The following COG6 variants were observed in gnomAD, a reference collection of about 807,000 sequenced individuals.
COG6 encodes the protein component of oligomeric golgi complex 6.
In COG6, 74 loss-of-function variants were observed where a neutral mutation model predicts 88.8. The ratio of observed to expected loss-of-function variants is 0.83; its 90% confidence interval spans 0.69 to 1.01. The LOEUF (loss-of-function observed/expected upper bound fraction) is 1.01. COG6 is among the 50% of genes least tolerant of loss of function. COG6 has a pLI of 0.00. For missense variants in COG6, 800 were observed against 797.9 expected, an observed-to-expected ratio of 1.00 and a Z score of -0.03; for synonymous variants, 286 against 278.7, an observed-to-expected ratio of 1.03 and a Z score of -0.26.
intron 18 of COG6, among the ~76,000 whole-genome samples, chr13:39,775,894 C>G (rs1881449599): frequency 6.6e-6 from 1 of 152,100 alleles, no homozygotes; most frequent in African/African-American, 2.4e-5. Flanking sequence ...CTCAGCCTCC[C>G]AAGTAGCTGG....
At chr13:39,677,949 A>G (rs1876072685) in intron 5 of COG6, 1 of 342,102 alleles carries the variant, frequency 2.9e-6, no homozygotes, top group Non-Finnish European at 5.5e-6. Flanking sequence ...CTCTATTGTG[A>G]AATGTGAGGA....
Position 39,752,036 on chromosome 13 carries a change from C to T in COG6, c.*943C>T, listed in dbSNP as rs1880665014. On this transcript the variant is annotated 3_prime_UTR_variant, in exon 19 of 19. Coordinates refer to ENST00000455146, the MANE Select transcript of COG6 (RefSeq NM_020751.3). ...TGCCAATTGGCAGTGTGTCTTATCT[C>T]CATGTTGTAACTGGACTCTGACTTT... is the stretch of plus-strand genomic sequence containing the variant. 7.8e-7 allele frequency: 1 copy of T among 1,284,304 alleles called. No homozygotes were observed. The allele number at this position is 1,284,304 out of a possible 1,614,324, so 79.6% of individuals were successfully genotyped here.
downstream of COG6, among the ~76,000 whole-genome samples, chr13:39,757,238 A>G (rs1160440488): frequency 6.6e-6 from 1 of 152,238 alleles, no homozygotes; most frequent in African/African-American, 2.4e-5. Context: ...CCAGTGGAAC[A>G]AGGAAGAAAT....
chr13:39,759,982 C>G (rs1163405493), intron 18 of COG6, among the ~76,000 whole-genome samples: 1 of 152,068 alleles, frequency 6.6e-6, no homozygotes, highest in African/African-American at 2.4e-5. Context: ...AAAGTTTAAG[C>G]CAGTCTAGGA....
At chr13:39,661,167 G>T (rs1007624773) in intron 3 of COG6, among the ~76,000 whole-genome samples, 1 of 152,078 alleles carries the variant, frequency 6.6e-6, no homozygotes, top group South Asian at 2.1e-4. Context: ...TAGAAATCTA[G>T]GAGTAATGAT....
At chr13:39,675,637 T>A (rs1179446046) in intron 4 of COG6, among the ~76,000 whole-genome samples, 1 of 152,106 alleles carries the variant, frequency 6.6e-6, no homozygotes, top group Non-Finnish European at 1.5e-5. Context: ...TTGGAATGAA[T>A]TGTAATGATT....
intron 12 of COG6, among the ~76,000 whole-genome samples, chr13:39,698,698 G>A (rs548985091): frequency 6.6e-6 from 1 of 151,940 alleles, no homozygotes; most frequent in African/African-American, 2.4e-5. Flanking sequence ...TTTTAGGCAT[G>A]GAAGATGTTG....
intron 18 of COG6, among the ~76,000 whole-genome samples, chr13:39,784,377 C>T (rs1881713990): frequency 6.6e-6 from 1 of 152,176 alleles, no homozygotes; most frequent in Non-Finnish European, 1.5e-5. Flanking sequence ...GAGGAGACCA[C>T]CACTACCTAG....
intron 18 of COG6, among the ~76,000 whole-genome samples, chr13:39,731,617 A>G (rs977784159): frequency 6.6e-6 from 1 of 152,244 alleles, no homozygotes; most frequent in African/African-American, 2.4e-5. Context: ...TAAAGTGAGC[A>G]TATGGGAAAA....
intron 2 of COG6, among the ~76,000 whole-genome samples, 164 bp from the exon 3 acceptor site, chr13:39,660,646 A>G (rs758023744): frequency 3.3e-5 from 5 of 152,160 alleles, no homozygotes; most frequent in Non-Finnish European, 7.3e-5. Context: ...CTAACACTAG[A>G]TGTTATTCTT....
At chr13:39,719,532 T>TGATAACTG in intron 14 of COG6, 128 bp from the exon 15 acceptor site, 1 of 1,178,944 alleles carries the variant, frequency 8.5e-7, no homozygotes, top group Non-Finnish European at 1.2e-6. Context: ...CATTGATTTA[T>TGATAACTG]GTTTAATCTT....
At chr13:39,703,406 T>A (rs909131615) in intron 13 of COG6, among the ~76,000 whole-genome samples, 9 of 152,190 alleles carry the variant, frequency 5.9e-5, no homozygotes, top group African/African-American at 1.9e-4. Flanking sequence ...TTCAAGTCCT[T>A]TGCCATTTTC....
At chr13:39,782,878 A>G (rs1049872399) in intron 18 of COG6, among the ~76,000 whole-genome samples, 93 of 152,186 alleles carry the variant, frequency 6.1e-4, no homozygotes, top group African/African-American at 2.1e-3. Context: ...AGGACTTTGA[A>G]TCCTGATTTG....
At chr13:39,714,224 GT>G (rs143237550) in intron 13 of COG6, among the ~76,000 whole-genome samples, 12,570 of 149,802 alleles carry the variant, frequency 0.084, 623 homozygotes, top group South Asian at 0.15. Flanking sequence ...ATTTTTGAAA[GT>G]TTTTTTTTTT....
rs183430690 is a variant in COG6, at chr13:39,719,302, G to T, written c.1351G>T (p.Glu451Ter). 6.2e-7 allele frequency: 1 copy of T among 1,612,864 alleles called. No homozygotes were observed. Among genetic ancestry groups the T allele is most frequent in the African/African-American group, 1.3e-5 (1 of 74,994 alleles). ...AAATCAGACACTCATGTTGCTGCGT[G>T]AAGTTTTAGCATCTCACGATTCTTC... Reference protein sequence around the residue: ...ALNQTLMLLREVLASHDSSVV... With the variant: ...ALNQTLMLLR Residue 451 changes from glutamate to a stop codon, truncating the protein, a stop_gained, in exon 14 of 19, where the codon GAA (glutamate) becomes TAA (stop). Transcript: ENST00000455146. LOFTEE classifies it high-confidence loss of function.
At chr13:39,781,069 A>G (rs1334433492) in intron 18 of COG6, among the ~76,000 whole-genome samples, 1 of 152,202 alleles carries the variant, frequency 6.6e-6, no homozygotes, top group Non-Finnish European at 1.5e-5. Context: ...TTTGGCCTCT[A>G]AATCTCTTTC....
At chr13:39,766,101 G>A (rs1003112435) in intron 18 of COG6, among the ~76,000 whole-genome samples, 2 of 152,172 alleles carry the variant, frequency 1.3e-5, no homozygotes, top group Admixed American at 6.5e-5. Context: ...CCTCTCCCCA[G>A]TACTGCCTCT....
intron 18 of COG6, among the ~76,000 whole-genome samples, chr13:39,772,809 G>A (rs1178203534): frequency 6.6e-6 from 1 of 152,202 alleles, no homozygotes; most frequent in African/African-American, 2.4e-5. Context: ...CCCCATTGAG[G>A]AACTGAAGGC....
At chr13:39,761,205 T>C (rs148301453) in intron 18 of COG6, among the ~76,000 whole-genome samples, 78 of 152,172 alleles carry the variant, frequency 5.1e-4, no homozygotes, top group African/African-American at 1.9e-3. Context: ...ATTTTCTTCA[T>C]ATAGATCTAA....
Sources: gnomAD v4.1 joint callset for allele counts (sites outside exome capture counted in the v4.1 genomes callset) on GRCh38, gnomAD v4.1.1 for gene constraint, MANE v1.5 for transcripts, NCBI Gene and HGNC (gene_info 2026-07-23, HGNC 2026-07-21) for gene names.